The following BRINP1 variants were observed in gnomAD, a reference collection of about 807,000 sequenced individuals.
BRINP1 encodes BMP/retinoic acid-inducible neural-specific protein 1.
BRINP1 carries 17 observed loss-of-function variants against 72.9 expected under a neutral mutation model. The observed-to-expected ratio is 0.23, with a 90% CI of 0.16 to 0.35. The LOEUF (loss-of-function observed/expected upper bound fraction) is 0.35. Ranked by LOEUF, BRINP1 falls within the 10% of genes least tolerant of loss-of-function variation. The pLI is 1.00. For missense variants in BRINP1, 850 were observed against 1,001.6 expected (o/e 0.85, Z 2.04); for synonymous variants, 418 against 378.5 (o/e 1.10, Z -1.21).
chr9:119,363,409 T>C (rs1387775329), intron 1 of BRINP1, among the ~76,000 whole-genome samples: 1 of 152,022 alleles, frequency 6.6e-6, no homozygotes, highest in Non-Finnish European at 1.5e-5. Flanking sequence ...GCCAACTCCA[T>C]TTTATTCTTC....
intron 2 of BRINP1, among the ~76,000 whole-genome samples, chr9:119,309,421 T>C (rs758786834): frequency 3.3e-5 from 5 of 152,216 alleles, no homozygotes; most frequent in Non-Finnish European, 5.9e-5. Context: ...TTGTGTAATA[T>C]GAACAATGGG....
chr9:119,254,350 T>C (rs1830424445), intron 2 of BRINP1, among the ~76,000 whole-genome samples: 1 of 152,088 alleles, frequency 6.6e-6, no homozygotes, highest in Non-Finnish European at 1.5e-5. Context: ...GAAAAGGCCT[T>C]TGTGATTTCA....
intron 2 of BRINP1, among the ~76,000 whole-genome samples, chr9:119,302,036 T>G (rs948361658): frequency 1.3e-5 from 2 of 152,206 alleles, no homozygotes; most frequent in Non-Finnish European, 2.9e-5. Flanking sequence ...AGGATGTAGT[T>G]CACAAATTGT....
chr9:119,264,657 A>G (rs1390507995), intron 2 of BRINP1, among the ~76,000 whole-genome samples: 2 of 152,022 alleles, frequency 1.3e-5, no homozygotes, highest in East Asian at 1.9e-4. Flanking sequence ...ACTAGCCACT[A>G]TTGAAAATGT....
chr9:119,357,415 G>T (rs1030907183), intron 1 of BRINP1, among the ~76,000 whole-genome samples: 1 of 151,886 alleles, frequency 6.6e-6, no homozygotes, highest in Non-Finnish European at 1.5e-5. Context: ...TCTACTCCCA[G>T]GAAGAATAAG....
chr9:119,287,100 T>C (rs1368171044), intron 2 of BRINP1, among the ~76,000 whole-genome samples: 2 of 152,134 alleles, frequency 1.3e-5, no homozygotes, highest in African/African-American at 4.8e-5. Context: ...TCATCTGATT[T>C]ATCTCTTCTC....
intron 2 of BRINP1, among the ~76,000 whole-genome samples, chr9:119,264,564 C>A (rs2118941070): frequency 6.6e-6 from 1 of 152,350 alleles, no homozygotes; most frequent in East Asian, 1.9e-4. Context: ...TCATCCCAGT[C>A]ACTTTATATT....
chr9:119,208,290 C>T (rs1205993875), intron 7 of BRINP1, among the ~76,000 whole-genome samples: 1 of 152,112 alleles, frequency 6.6e-6, no homozygotes, highest in South Asian at 2.1e-4. Flanking sequence ...TGGCTCTGCT[C>T]AAAGGACCTC....
intron 7 of BRINP1, among the ~76,000 whole-genome samples, chr9:119,191,100 A>G (rs1829679197): frequency 6.6e-6 from 1 of 152,128 alleles, no homozygotes; most frequent in East Asian, 1.9e-4. Flanking sequence ...TTCTTGTTAA[A>G]ACTCATAAAT....
intron 5 of BRINP1, among the ~76,000 whole-genome samples, chr9:119,232,938 G>A (rs537623062): frequency 6.6e-6 from 1 of 151,906 alleles, no homozygotes; most frequent in African/African-American, 2.4e-5. Flanking sequence ...TATTTGAGCT[G>A]TTACTGCTAT....
chr9:119,176,793 C>T (rs1829495044), intron 7 of BRINP1, among the ~76,000 whole-genome samples: 1 of 152,158 alleles, frequency 6.6e-6, no homozygotes, highest in Admixed American at 6.5e-5. Flanking sequence ...TTGAGGAAAA[C>T]CATTTTGTTA....
At chr9:119,316,917 C>T (rs1343945432) in intron 1 of BRINP1, among the ~76,000 whole-genome samples, 1 of 151,504 alleles carries the variant, frequency 6.6e-6, no homozygotes, top group Non-Finnish European at 1.5e-5. Context: ...ATGATGAAAC[C>T]CCGCCTCTAC....
chr9:119,284,106 A>G (rs536525115), intron 2 of BRINP1, among the ~76,000 whole-genome samples: 2 of 152,072 alleles, frequency 1.3e-5, no homozygotes, highest in African/African-American at 4.8e-5. Context: ...CAGTCCTCTT[A>G]TTTCTCTCCA....
chr9:119,298,113 G>A (rs1330755340), intron 2 of BRINP1, among the ~76,000 whole-genome samples: 1 of 152,176 alleles, frequency 6.6e-6, no homozygotes, highest in Non-Finnish European at 1.5e-5. Context: ...TACAACTGCT[G>A]CTCATTTTGT....
intron 5 of BRINP1, among the ~76,000 whole-genome samples, chr9:119,234,748 G>C (rs1478638136): frequency 6.6e-6 from 1 of 151,778 alleles, no homozygotes; most frequent in Non-Finnish European, 1.5e-5. Context: ...AAGTACTTTT[G>C]TTTTGCCTTC....
At chr9:119,227,533 C>T (rs140017286) in intron 5 of BRINP1, among the ~76,000 whole-genome samples, 422 of 152,194 alleles carry the variant, frequency 2.8e-3, no homozygotes, top group Middle Eastern at 6.8e-3. Context: ...AGGCACTGCT[C>T]TTTCATTGAA....
At chr9:119,282,983 CACTG>C (rs1415648120) in intron 2 of BRINP1, 2 of 985,264 alleles carry the variant, frequency 2.0e-6, no homozygotes, top group African/African-American at 3.5e-5. Context: ...TTATCGCCCT[CACTG>C]ACCACTTCTT....
intron 7 of BRINP1, among the ~76,000 whole-genome samples, chr9:119,174,969 G>A (rs1829463654): frequency 6.7e-6 from 1 of 150,262 alleles, no homozygotes; most frequent in Non-Finnish European, 1.5e-5. Context: ...GACTGTTGTG[G>A]GGTGGGGGGA....
chr9:119,209,359 C>T (rs192012980), intron 6 of BRINP1, among the ~76,000 whole-genome samples: 2,651 of 152,166 alleles, frequency 0.017, 39 homozygotes, highest in Non-Finnish European at 0.025. Context: ...GATAACAGGC[C>T]AGGAGTTCTA....
Sources: allele counts gnomAD v4.1 joint callset (sites outside exome capture counted in the v4.1 genomes callset), GRCh38; gene constraint gnomAD v4.1.1; transcripts MANE v1.5; gene names NCBI Gene and HGNC (gene_info 2026-07-23, HGNC 2026-07-21).